Variants in CFAP54 observed in about 807,000 individuals in gnomAD.
CFAP54 encodes cilia and flagella associated protein 54, also known as cilia- and flagella-associated protein 54.
In CFAP54, 290 loss-of-function variants were observed where a neutral mutation model predicts 370.4. The observed-to-expected ratio is 0.78, with a 90% CI of 0.71 to 0.86. The LOEUF (loss-of-function observed/expected upper bound fraction) is 0.86. Ranked by LOEUF, CFAP54 falls within the 40% of genes least tolerant of loss-of-function variation. CFAP54 has a pLI of 0.00. For synonymous variants in CFAP54, 1,206 were observed against 1,236.5 expected, an observed-to-expected ratio of 0.98 and a Z score of 0.52; for missense variants, 3,399 against 3,528.7, an observed-to-expected ratio of 0.96 and a Z score of 0.93.
chr12:96,630,258 AT>A, intron 31 of CFAP54, 54 bp downstream of exon 31: 4 of 914,104 alleles, frequency 4.4e-6, no homozygotes, highest in Non-Finnish European at 6.5e-6. Flanking sequence ...AGATTCATGT[AT>A]CTAGAGATGA....
At chr12:96,553,621 C>A (rs1326348070) in intron 15 of CFAP54, among the ~76,000 whole-genome samples, 1 of 149,126 alleles carries the variant, frequency 6.7e-6, no homozygotes, top group Non-Finnish European at 1.5e-5. Flanking sequence ...CTTAAAAAAT[C>A]TGGAAAAATA....
At chr12:96,679,473 C>T in intron 39 of CFAP54, 127 bp from the exon 40 acceptor site, 1 of 928,744 alleles carries the variant, frequency 1.1e-6, no homozygotes, top group Non-Finnish European at 1.5e-6. Flanking sequence ...TGCTGCAGAT[C>T]TGGGGGCTTT....
chr12:96,783,388 C>G (rs1012852975), intron 60 of CFAP54, among the ~76,000 whole-genome samples: 1 of 152,188 alleles, frequency 6.6e-6, no homozygotes, highest in Non-Finnish European at 1.5e-5. Flanking sequence ...GAATATTTAT[C>G]TTCCTTTTTT....
intron 67 of CFAP54, among the ~76,000 whole-genome samples, chr12:96,868,021 A>G (rs1422591208): frequency 1.3e-5 from 2 of 152,192 alleles, no homozygotes; most frequent in African/African-American, 2.4e-5. Context: ...TGATAAATAT[A>G]TACAATTTTT....
intron 1 of CFAP54, among the ~76,000 whole-genome samples, chr12:96,496,198 A>T (rs1954953093): frequency 6.6e-6 from 1 of 152,238 alleles, no homozygotes; most frequent in African/African-American, 2.4e-5. Context: ...TCACTCAATC[A>T]GTGACTCAAT....
At chr12:96,616,709 C>G (rs1956423274) in intron 26 of CFAP54, among the ~76,000 whole-genome samples, 1 of 152,052 alleles carries the variant, frequency 6.6e-6, no homozygotes, top group African/African-American at 2.4e-5. Context: ...ATAAAATAAT[C>G]AAATTTATCT....
At chr12:96,708,121 A>G (rs1173223459) in intron 47 of CFAP54, among the ~76,000 whole-genome samples, 5 of 151,982 alleles carry the variant, frequency 3.3e-5, no homozygotes, top group African/African-American at 1.2e-4. Context: ...GTGTGTTTGG[A>G]TAGGTGAGGA....
chr12:96,603,658 T>C (rs377294044), intron 26 of CFAP54, among the ~76,000 whole-genome samples: 7 of 152,350 alleles, frequency 4.6e-5, no homozygotes, highest in African/African-American at 1.7e-4. Context: ...TCGTTTCTTT[T>C]TACTCTTTTT....
chr12:96,563,225 G>A (rs1254309151), intron 17 of CFAP54, among the ~76,000 whole-genome samples: 4 of 152,164 alleles, frequency 2.6e-5, no homozygotes, highest in Non-Finnish European at 5.9e-5. Context: ...CAAGACTTGA[G>A]TTCAGATGTA....
intron 46 of CFAP54, among the ~76,000 whole-genome samples, chr12:96,700,770 C>A (rs1458563220): frequency 6.6e-6 from 1 of 152,078 alleles, no homozygotes; most frequent in Non-Finnish European, 1.5e-5. Context: ...ATGCTTCAGG[C>A]AGATGCTTGG....
chr12:96,659,258 C>T (rs559117057), intron 38 of CFAP54, among the ~76,000 whole-genome samples: 6 of 152,118 alleles, frequency 3.9e-5, no homozygotes, highest in Non-Finnish European at 7.4e-5. Context: ...CTCAGCCTTC[C>T]GAGTAGCTGG....
chr12:96,718,307 T>G, intron 48 of CFAP54, 136 bp from the exon 49 acceptor site: 2 of 557,370 alleles, frequency 3.6e-6, no homozygotes, highest in Non-Finnish European at 6.6e-6. Context: ...TGCAGTGAGC[T>G]GAGATTGTGC....
intron 50 of CFAP54, among the ~76,000 whole-genome samples, chr12:96,738,515 G>A (rs919569202): frequency 5.9e-5 from 9 of 151,720 alleles, no homozygotes; most frequent in African/African-American, 4.8e-5. Flanking sequence ...GGCGTTCCTC[G>A]GCTTGTAGGT....
At chr12:96,723,526 C>T (rs1032409220) in intron 50 of CFAP54, among the ~76,000 whole-genome samples, 3 of 152,110 alleles carry the variant, frequency 2.0e-5, no homozygotes, top group Non-Finnish European at 2.9e-5. Context: ...AGAGAGTTGA[C>T]CCCTGGATTT....
chr12:96,590,254 T>A (rs1394021203), intron 23 of CFAP54, among the ~76,000 whole-genome samples: 1 of 152,202 alleles, frequency 6.6e-6, no homozygotes, highest in African/African-American at 2.4e-5. Flanking sequence ...GGCTTTTCTT[T>A]TGCTAGAAGG....
At chr12:96,694,103 G>A (rs1362161646) in intron 45 of CFAP54, among the ~76,000 whole-genome samples, 1 of 152,188 alleles carries the variant, frequency 6.6e-6, no homozygotes, top group African/African-American at 2.4e-5. Flanking sequence ...GCTTCCTGGT[G>A]AAGACCAACT....
intron 36 of CFAP54, 28 bp from the exon 37 acceptor site, chr12:96,657,854 A>ATTTTTTT: frequency 7.6e-7 from 1 of 1,320,144 alleles, no homozygotes; most frequent in Non-Finnish European, 1.0e-6. Context: ...GAAATTACAC[A>ATTTTTTT]TTTTTTTTTT....
In CFAP54 at chr12:96,743,519, A is replaced by G. The variant is rs775164741; in HGVS notation, c.7337A>G (p.Gln2446Arg). The change falls in exon 53 of 68, where the codon CAA becomes CGA. Residue 2446 changes from glutamine (Q) to arginine (R), a missense_variant. Gln to Arg is a conservative substitution (Grantham distance 43). Around this residue, in one of 3 missense-constraint regions of CFAP54, gnomAD observed 2,796 missense variants for 2,869.7 expected, o/e 0.97. Coordinates refer to ENST00000524981, the MANE Select transcript of CFAP54 (RefSeq NM_001306084.2). ...FLTQAVILGL[Q>R]EKHLKADIMT... Reference sequence around the variant, plus strand: ...ACGCAAGCTGTAATTCTTGGCCTACAAGAAAAGCATTTAAAGGCAGACATC... The same window carrying G: ...ACGCAAGCTGTAATTCTTGGCCTACGAGAAAAGCATTTAAAGGCAGACATC... 3.7e-6 allele frequency: 6 copies of G among 1,614,106 alleles called. No individual in the cohort carries two copies. Among genetic ancestry groups the G allele is most frequent in the Non-Finnish European group, 5.1e-6 (6 of 1,179,982 alleles).
intron 33 of CFAP54, among the ~76,000 whole-genome samples, chr12:96,647,504 CATTG>C (rs1469850352): frequency 1.3e-5 from 1 of 77,592 alleles, no homozygotes; most frequent in Admixed American, 1.5e-4. Context: ...AAAGAAATGC[CATTG>C]ATTATGGACA....
Sources: gnomAD v4.1 joint callset for allele counts (sites outside exome capture counted in the v4.1 genomes callset) on GRCh38, gnomAD v4.1.1 for gene constraint, gnomAD v4.1.1 regional missense constraint, MANE v1.5 for transcripts, NCBI Gene and HGNC (gene_info 2026-07-23, HGNC 2026-07-21) for gene names.